Variants in RANBP2 observed in about 807,000 individuals in gnomAD.
The protein encoded by RANBP2 is E3 SUMO-protein ligase RanBP2.
A neutral mutation model predicts 303.6 loss-of-function variants in RANBP2; 57 were observed. That is an observed-to-expected ratio of 0.19 (90% CI 0.15 to 0.23). RANBP2 has a LOEUF of 0.23. Ranked by LOEUF, RANBP2 falls within the 10% of genes least tolerant of loss-of-function variation. The pLI is 1.00. For synonymous variants in RANBP2, 1,167 were observed against 1,301.5 expected (o/e 0.90, Z 2.23); for missense variants, 3,138 against 3,780.8 (o/e 0.83, Z 4.46).
the RANBP2 span, among the ~76,000 whole-genome samples, chr2:108,936,812 G>T: frequency 1.3e-5 from 2 of 152,186 alleles, no homozygotes; most frequent in Admixed American, 6.5e-5. Context: ...TGCTTTAGTC[G>T]GATCTGTTTC....
At chr2:109,592,010 C>T in the RANBP2 span, among the ~76,000 whole-genome samples, 1 of 152,148 alleles carries the variant, frequency 6.6e-6, no homozygotes, top group Non-Finnish European at 1.5e-5. Context: ...TTTTTAAATA[C>T]AAATTTCAAT....
At chr2:109,522,528 C>T in the RANBP2 span, among the ~76,000 whole-genome samples, 1 of 152,138 alleles carries the variant, frequency 6.6e-6, no homozygotes, top group East Asian at 1.9e-4. Flanking sequence ...AACTCCTGAC[C>T]TCAGGTGATC....
chr2:109,033,940 G>A, the RANBP2 span, among the ~76,000 whole-genome samples: 2 of 146,590 alleles, frequency 1.4e-5, no homozygotes, highest in African/African-American at 2.6e-5. Flanking sequence ...TGGCGACAGA[G>A]GGAGACCCTG....
the RANBP2 span, among the ~76,000 whole-genome samples, chr2:108,978,982 G>GA: frequency 6.6e-6 from 1 of 152,244 alleles, no homozygotes; most frequent in Non-Finnish European, 1.5e-5. Context: ...GCAGGGGCAG[G>GA]AGGGGGTGTA....
chr2:109,163,390 CTTTTTTT>C, the RANBP2 span, among the ~76,000 whole-genome samples: 6 of 70,268 alleles, frequency 8.5e-5, no homozygotes, highest in East Asian at 5.1e-4. Context: ...AGCAAATATT[CTTTTTTT>C]TTTTTTTTTT....
the RANBP2 span, among the ~76,000 whole-genome samples, chr2:109,320,813 G>A: frequency 6.6e-6 from 1 of 152,176 alleles, no homozygotes; most frequent in African/African-American, 2.4e-5. Flanking sequence ...TACATGGACA[G>A]GCAGAGTGGT....
At chr2:109,026,274 T>C in the RANBP2 span, among the ~76,000 whole-genome samples, 2 of 132,746 alleles carry the variant, frequency 1.5e-5, no homozygotes, top group Non-Finnish European at 3.2e-5. Context: ...GCTGGGACTA[T>C]AGGCTCATAC....
rs752998295 is a variant in RANBP2, at chr2:108,740,560, T to C, written c.854T>C (p.Met285Thr). Residue 285 changes from methionine to threonine, a missense_variant, in exon 7 of 29, where the codon ATG becomes ACG. Physicochemically the swap from Met to Thr is moderately conservative, Grantham distance 81. Transcript: ENST00000283195. ...NDELSATFLE[M>T]KGHFYMHAGS... ...GAACTGTCAGCTACTTTCTTAGAAA[T>C]GAAAGGACATTTCTACATGCATGCT... is the stretch of plus-strand genomic sequence containing the variant. 1.9e-6 allele frequency: 3 copies of C among 1,597,558 alleles called. No individual in the cohort carries two copies. The highest frequency in any genetic ancestry group is 2.5e-6 in the Non-Finnish European group (3 of 1,179,780).
At chr2:108,965,766 G>A in the RANBP2 span, among the ~76,000 whole-genome samples, 1 of 152,136 alleles carries the variant, frequency 6.6e-6, no homozygotes, top group Non-Finnish European at 1.5e-5. Context: ...GTGGTGGGGG[G>A]CTGGGGTTTT....
chr2:109,413,242 G>A, the RANBP2 span, among the ~76,000 whole-genome samples: 4 of 152,202 alleles, frequency 2.6e-5, no homozygotes, highest in Non-Finnish European at 5.9e-5. Flanking sequence ...AGCCTCCCAA[G>A]TAACTGGGAT....
chr2:108,840,230 TAAC>T, the RANBP2 span, among the ~76,000 whole-genome samples: 3 of 152,188 alleles, frequency 2.0e-5, no homozygotes, highest in Non-Finnish European at 4.4e-5. Context: ...GTTTTTATAT[TAAC>T]AAATTCTATT....
chr2:109,656,492 C>T, the RANBP2 span, among the ~76,000 whole-genome samples: 1 of 152,160 alleles, frequency 6.6e-6, no homozygotes, highest in Admixed American at 6.5e-5. Context: ...TATGTGCCAC[C>T]ATGTCCAGCT....
At chr2:109,148,141 T>C in the RANBP2 span, among the ~76,000 whole-genome samples, 1 of 152,230 alleles carries the variant, frequency 6.6e-6, no homozygotes, top group African/African-American at 2.4e-5. Context: ...TTTGGTCTCA[T>C]GCACCCAGTA....
the RANBP2 span, among the ~76,000 whole-genome samples, chr2:109,119,351 C>A: frequency 1.3e-5 from 2 of 152,186 alleles, no homozygotes; most frequent in Non-Finnish European, 2.9e-5. Flanking sequence ...GGTTATTCTA[C>A]TTTAGCTCTA....
intron 1 of RANBP2, among the ~76,000 whole-genome samples, chr2:108,725,455 T>G (rs1420730558): frequency 6.6e-6 from 1 of 152,204 alleles, no homozygotes; most frequent in Non-Finnish European, 1.5e-5. Flanking sequence ...TTGAATCTAT[T>G]TCTTCATTTT....
the RANBP2 span, chr2:108,894,749 C>T: frequency 7.0e-6 from 1 of 143,416 alleles, no homozygotes; most frequent in African/African-American, 2.9e-5. Context: ...CCCATGTTTC[C>T]AAATAAGTAA....
chr2:108,846,532 C>G, the RANBP2 span, among the ~76,000 whole-genome samples: 1 of 150,810 alleles, frequency 6.6e-6, no homozygotes, highest in Non-Finnish European at 1.5e-5. Context: ...AAAAAAAAAC[C>G]TGAGTGTGGT....
the RANBP2 span, among the ~76,000 whole-genome samples, chr2:109,707,762 A>G: frequency 1.3e-5 from 2 of 152,228 alleles, no homozygotes; most frequent in African/African-American, 4.8e-5. Flanking sequence ...TCTAATGTTC[A>G]GAGCTCTTTA....
chr2:109,716,841 G>A, the RANBP2 span, among the ~76,000 whole-genome samples: 14 of 152,198 alleles, frequency 9.2e-5, no homozygotes, highest in East Asian at 1.7e-3. Context: ...GAGCCACCGC[G>A]CCCAGCCTAA....
Sources: allele counts gnomAD v4.1 joint callset (sites outside exome capture counted in the v4.1 genomes callset), GRCh38; gene constraint gnomAD v4.1.1; transcripts MANE v1.5; gene names NCBI Gene and HGNC (gene_info 2026-07-23, HGNC 2026-07-21).